KAT6B: variants seen among roughly 807,000 people sequenced by gnomAD.
KAT6B encodes histone acetyltransferase KAT6B.
KAT6B carries 10 observed loss-of-function variants against 187.5 expected under a neutral mutation model. The observed-to-expected ratio is 0.05, with a 90% confidence interval of 0.03 to 0.09. KAT6B has a LOEUF of 0.09. KAT6B is among the 10% of genes least tolerant of loss of function. The pLI, the probability that KAT6B is intolerant of heterozygous loss-of-function variation, is 1.00. For missense variants in KAT6B, 1,952 were observed against 2,558.9 expected, an observed-to-expected ratio of 0.76 and a Z score of 5.12; for synonymous variants, 861 against 926.8, an observed-to-expected ratio of 0.93 and a Z score of 1.29.
intron 2 of KAT6B, among the ~76,000 whole-genome samples, chr10:74,840,385 C>G (rs1284385527): frequency 6.6e-6 from 1 of 152,118 alleles, no homozygotes; most frequent in Admixed American, 6.6e-5. Flanking sequence ...TCAAAAGGTA[C>G]TTGTTTTTGG....
Position 74,842,820 on chromosome 10 carries a change from A to C in KAT6B, c.-38A>C. The C allele has an allele frequency of 6.2e-7, 1 of 1,611,490 alleles. No individual in the cohort carries two copies. Among genetic ancestry groups the C allele is most frequent in the South Asian group, 1.1e-5 (1 of 91,070 alleles). ...TCTGTTAAATACAAAGAGAACCTCTATGGGTAACTTTTGTGTTGAAGAAGT... is the reference window on the plus strand; with the variant it reads ...TCTGTTAAATACAAAGAGAACCTCTCTGGGTAACTTTTGTGTTGAAGAAGT... On this transcript the variant is annotated 5_prime_UTR_variant, in exon 3 of 18. An upstream start codon of the reference 5' UTR is lost. Coordinates refer to ENST00000287239, the MANE Select transcript of KAT6B (RefSeq NM_012330.4).
chr10:75,007,131 C>A (rs1001249347), intron 13 of KAT6B, among the ~76,000 whole-genome samples: 1 of 151,708 alleles, frequency 6.6e-6, no homozygotes, highest in East Asian at 1.9e-4. Flanking sequence ...TAATCCCCAC[C>A]ACCACCATGA....
chr10:75,025,400 T>C (rs1174593373), intron 17 of KAT6B, 151 bp downstream of exon 17: 1 of 699,222 alleles, frequency 1.4e-6, no homozygotes, highest in East Asian at 2.7e-5. Flanking sequence ...TTCCCATCCT[T>C]ACAAGCTTCT....
intron 1 of KAT6B, among the ~76,000 whole-genome samples, chr10:74,834,697 T>C (rs570666839): frequency 6.6e-6 from 1 of 151,572 alleles, no homozygotes; most frequent in East Asian, 1.9e-4. Flanking sequence ...AATTTTTTAT[T>C]TTTGTAGAGG....
At chr10:74,849,225 G>A (rs932782414) in intron 3 of KAT6B, among the ~76,000 whole-genome samples, 1 of 151,924 alleles carries the variant, frequency 6.6e-6, no homozygotes, top group Non-Finnish European at 1.5e-5. Context: ...CAAGTGATCC[G>A]CCTGCCTTGG....
At chr10:75,005,217 CT>C (rs1267005706) in intron 13 of KAT6B, among the ~76,000 whole-genome samples, 129 of 143,476 alleles carry the variant, frequency 9.0e-4, no homozygotes, top group Non-Finnish European at 8.0e-4. Flanking sequence ...TTTTTTTGTT[CT>C]TTTTTTTTTT....
Position 74,836,575 on chromosome 10 carries a change from C to G in KAT6B, c.-328-2108C>G, listed in dbSNP as rs7922765. Among the ~76,000 whole-genome samples, 754 of 152,258 alleles carry G rather than the reference C, an allele frequency of 5.0e-3. 6 individuals carry two copies. Among genetic ancestry groups the G allele is most frequent in the African/African-American group, 0.017 (720 of 41,546 alleles). On this transcript the variant is annotated intron_variant, in intron 1 of 17. Coordinates refer to ENST00000287239, the MANE Select transcript of KAT6B (RefSeq NM_012330.4). The stretch of plus-strand genomic sequence containing the variant: ...CAGTTCACATGTTTTGGGCCTGAAG[C>G]ATTGATTTCAGAGGAAATAGATGCA...
At chr10:75,017,348 A>G (rs1396814599) in intron 13 of KAT6B, among the ~76,000 whole-genome samples, 1 of 152,098 alleles carries the variant, frequency 6.6e-6, no homozygotes, top group African/African-American at 2.4e-5. Flanking sequence ...AGAAAAAAAT[A>G]GAGGCCGGGC....
At chr10:74,904,891 A>G (rs1275549546) in intron 3 of KAT6B, among the ~76,000 whole-genome samples, 1 of 152,076 alleles carries the variant, frequency 6.6e-6, no homozygotes, top group East Asian at 1.9e-4. Context: ...AGTGGCCTCT[A>G]TTTGTAGTTT....
At chr10:74,931,884 G>C (rs182652500) in intron 3 of KAT6B, among the ~76,000 whole-genome samples, 18 of 151,978 alleles carry the variant, frequency 1.2e-4, no homozygotes, top group Non-Finnish European at 1.8e-4. Context: ...GCTAATTTTT[G>C]TATTTTTAGT....
Position 74,975,226 on chromosome 10 carries a change from T to C in KAT6B, c.1062-173T>C, listed in dbSNP as rs1458574262. On this transcript the variant is annotated intron_variant, in intron 7 of 17. Coordinates refer to ENST00000287239, the MANE Select transcript of KAT6B (RefSeq NM_012330.4). Reference sequence around the variant, plus strand: ...CCCTGGAAGAACCATGACATGTAAATGCAGTTGCTGCTGCCTTTCCAACAG... The same window carrying C: ...CCCTGGAAGAACCATGACATGTAAACGCAGTTGCTGCTGCCTTTCCAACAG... Among the ~76,000 whole-genome samples, 3 of 152,220 alleles carry C rather than the reference T, an allele frequency of 2.0e-5. No homozygotes were observed. In the East Asian group the frequency reaches 5.8e-4, roughly 29 times the overall value.
chr10:74,946,544 G>A (rs548395517), intron 3 of KAT6B, among the ~76,000 whole-genome samples: 3 of 152,236 alleles, frequency 2.0e-5, no homozygotes, highest in African/African-American at 7.2e-5. Flanking sequence ...ATACTACTCA[G>A]TGATAAAAAT....
At chr10:74,846,896 C>T (rs1842146234) in intron 3 of KAT6B, among the ~76,000 whole-genome samples, 1 of 152,178 alleles carries the variant, frequency 6.6e-6, no homozygotes, top group Admixed American at 6.5e-5. Flanking sequence ...TGGACTAATT[C>T]AGGTAGCTTT....
chr10:74,889,896 A>G (rs1426149406), intron 3 of KAT6B, among the ~76,000 whole-genome samples: 1 of 152,108 alleles, frequency 6.6e-6, no homozygotes, highest in Non-Finnish European at 1.5e-5. Flanking sequence ...TGACTTTTTG[A>G]CCAAAGATGA....
At chr10:75,022,320 C>A in intron 16 of KAT6B, 89 bp downstream of exon 16, 1 of 1,432,088 alleles carries the variant, frequency 7.0e-7, no homozygotes, top group Non-Finnish European at 9.8e-7. Flanking sequence ...ATTTGTTTCA[C>A]TCTCTGTTCT....
At chr10:74,840,779 CT>C (rs1841689874) in intron 2 of KAT6B, among the ~76,000 whole-genome samples, 1 of 152,066 alleles carries the variant, frequency 6.6e-6, no homozygotes, top group South Asian at 2.1e-4. Context: ...AAATTGCCTC[CT>C]TTAAGGTGGC....
chr10:74,968,810 C>T (rs534257764), intron 4 of KAT6B, among the ~76,000 whole-genome samples: 2 of 152,248 alleles, frequency 1.3e-5, no homozygotes, highest in East Asian at 1.9e-4. Flanking sequence ...GCTCACGCTC[C>T]GCACACCTCT....
Position 75,029,634 on chromosome 10 carries a change from C to T in KAT6B, c.4810C>T (p.His1604Tyr), listed in dbSNP as rs1846160811. The change falls in exon 18 of 18, where the codon CAC (histidine) becomes TAC (tyrosine). Residue 1604 changes from histidine (H) to tyrosine (Y), a missense_variant. Physicochemically the swap from His to Tyr is moderately conservative, Grantham distance 83. Around this residue, in one of 9 missense-constraint regions of KAT6B, gnomAD observed 758 missense variants for 891.4 expected, o/e 0.85. Transcript: ENST00000287239. The surrounding 1 kb of genome is among the most constrained non-coding windows in gnomAD (Gnocchi z 6.2). ...SDHSSPVSSV[H>Y]SHPGQSVRSV... Reference sequence around the variant, plus strand: ...CCACAGTAGCCCAGTTTCATCCGTCCACTCCCATCCTGGCCAGTCCGTACG... The same window carrying T: ...CCACAGTAGCCCAGTTTCATCCGTCTACTCCCATCCTGGCCAGTCCGTACG... 6.2e-7 allele frequency: 1 copy of T among 1,614,032 alleles called. No individual in the cohort carries two copies. Among genetic ancestry groups the T allele is most frequent in the Admixed American group, 1.7e-5 (1 of 60,000 alleles).
At chr10:74,866,028 CTG>C (rs1843529238) in intron 3 of KAT6B, among the ~76,000 whole-genome samples, 1 of 152,024 alleles carries the variant, frequency 6.6e-6, no homozygotes, top group Non-Finnish European at 1.5e-5. Flanking sequence ...TTTTTTGTCT[CTG>C]TGGGTTCTTC....
Sources: gnomAD v4.1 joint callset for allele counts (sites outside exome capture counted in the v4.1 genomes callset) on GRCh38, gnomAD v4.1.1 for gene constraint, gnomAD v4.1.1 regional missense constraint, Gnocchi (gnomAD v3.1) non-coding constraint, MANE v1.5 for transcripts, NCBI Gene and HGNC (gene_info 2026-07-23, HGNC 2026-07-21) for gene names.